SLC14A2: variants seen among roughly 807,000 people sequenced by gnomAD.
The protein encoded by SLC14A2 is solute carrier family 14 member 2.
In SLC14A2, 91 loss-of-function variants were observed where a neutral mutation model predicts 104.6. That is an observed-to-expected ratio of 0.87 (90% CI 0.73 to 1.04). The LOEUF (loss-of-function observed/expected upper bound fraction) is 1.04. SLC14A2 is among the 50% of genes least tolerant of loss of function. The probability of loss-of-function intolerance (pLI) is 0.00; values close to 1 mark genes in which losing one functional copy is unlikely to be tolerated. For synonymous variants in SLC14A2, 476 were observed against 466.4 expected (o/e 1.02, Z -0.27); for missense variants, 1,189 against 1,156.0 (o/e 1.03, Z -0.41).
At chr18:45,279,677 C>A (rs747891646) in intron 1 of SLC14A2, among the ~76,000 whole-genome samples, 3 of 152,094 alleles carry the variant, frequency 2.0e-5, no homozygotes, top group Non-Finnish European at 2.9e-5. Context: ...CAGGTGATGA[C>A]TTTTGAGGCT....
intron 1 of SLC14A2, among the ~76,000 whole-genome samples, chr18:45,275,707 C>T (rs1400214087): frequency 2.0e-5 from 3 of 152,166 alleles, no homozygotes; most frequent in Non-Finnish European, 4.4e-5. Context: ...CTGTTCTCTA[C>T]CACTAGGTGG....
At chr18:45,383,318 C>T (rs1268492919) in intron 1 of SLC14A2, among the ~76,000 whole-genome samples, 1 of 152,200 alleles carries the variant, frequency 6.6e-6, no homozygotes, top group African/African-American at 2.4e-5. Context: ...TATACTAAAA[C>T]AGCTCAGCTC....
At chr18:45,412,164 T>G (rs1240813189) in intron 1 of SLC14A2, among the ~76,000 whole-genome samples, 1 of 152,202 alleles carries the variant, frequency 6.6e-6, no homozygotes, top group African/African-American at 2.4e-5. Flanking sequence ...AACAACTGAA[T>G]GAAGATTGCA....
intron 1 of SLC14A2, among the ~76,000 whole-genome samples, chr18:45,426,452 T>A (rs2086428045): frequency 6.7e-6 from 1 of 148,878 alleles, no homozygotes; most frequent in East Asian, 2.0e-4. Context: ...ATGGTACCTG[T>A]TTGTTTGTTT....
At position 45,682,810 on chromosome 18, in the gene SLC14A2, A is replaced by G. The variant is rs554299337; in HGVS notation, c.*291A>G. The G allele has an allele frequency of 5.2e-5, 18 of 346,066 alleles. No individual in the cohort carries two copies. Among genetic ancestry groups the G allele is most frequent in the Admixed American group, 7.8e-5 (2 of 25,686 alleles). The allele number at this position is 346,066 out of a possible 1,614,324, so 21.4% of individuals were successfully genotyped here. ...TAAGCCTCATCCTTAAAGAGAAGTC[A>G]CCGGCCGGGCACGGTGGCTCACGCC... On this transcript the variant is annotated 3_prime_UTR_variant, in exon 20 of 20. Transcript: ENST00000255226.
At chr18:45,461,189 G>A (rs1419463978) in intron 1 of SLC14A2, among the ~76,000 whole-genome samples, 1 of 152,020 alleles carries the variant, frequency 6.6e-6, no homozygotes, top group Admixed American at 6.5e-5. Context: ...ACTGAAAATT[G>A]CAGGTCACAG....
At chr18:45,275,365 TAAACTC>T (rs779860089) in intron 1 of SLC14A2, among the ~76,000 whole-genome samples, 5 of 152,176 alleles carry the variant, frequency 3.3e-5, no homozygotes, top group Non-Finnish European at 7.4e-5. Context: ...ATATATAAGA[TAAACTC>T]AATAAGTACT....
At chr18:45,214,763 A>G (rs1293755213) in intron 1 of SLC14A2, among the ~76,000 whole-genome samples, 1 of 152,106 alleles carries the variant, frequency 6.6e-6, no homozygotes, top group African/African-American at 2.4e-5. Flanking sequence ...TATGTTTCAG[A>G]TGTGTCTATA....
At chr18:45,543,533 G>A (rs888539812) in intron 2 of SLC14A2, among the ~76,000 whole-genome samples, 1 of 152,110 alleles carries the variant, frequency 6.6e-6, no homozygotes, top group Non-Finnish European at 1.5e-5. Context: ...TTGTCCTTTG[G>A]AAAGTACTGG....
rs1190482746 is a variant in SLC14A2 at position 45,572,631 on chromosome 18, C to CTCA, written c.-34-51997_-34-51995dup. Reference sequence around the variant, plus strand: ...CCTATCTTTAAGTCTCAATCCAGAACTCATCTTTGAGATGCAACCTTCTCA... The same window carrying CTCA: ...CCTATCTTTAAGTCTCAATCCAGAACTCATCATCTTTGAGATGCAACCTTCTCA... On this transcript the variant is annotated intron_variant, in intron 2 of 20. Coordinates refer to the SLC14A2 transcript ENST00000586448. Among the ~76,000 whole-genome samples, 3 of 152,244 alleles carry CTCA rather than the reference C, an allele frequency of 2.0e-5. No individual in the cohort carries two copies. The East Asian group carries it at 5.8e-4, about 29-fold the overall frequency.
intron 16 of SLC14A2, 137 bp downstream of exon 16, chr18:45,669,635 C>G: frequency 1.4e-6 from 1 of 699,426 alleles, no homozygotes; most frequent in Non-Finnish European, 2.4e-6. Context: ...ACATATATAT[C>G]TCATGAGCTG....
At chr18:45,477,673 T>C (rs925398443) in intron 1 of SLC14A2, among the ~76,000 whole-genome samples, 9 of 152,166 alleles carry the variant, frequency 5.9e-5, no homozygotes, top group Non-Finnish European at 1.3e-4. Flanking sequence ...CTTTCAGAGA[T>C]ACCCTGCCCA....
chr18:45,251,486 G>A (rs751182423), intron 1 of SLC14A2, among the ~76,000 whole-genome samples: 4 of 152,130 alleles, frequency 2.6e-5, no homozygotes, highest in Admixed American at 2.6e-4. Flanking sequence ...GTAGTGTATT[G>A]TTTCCTAGGA....
At chr18:45,652,690 T>C (rs1182482467) in intron 10 of SLC14A2, among the ~76,000 whole-genome samples, 1 of 152,228 alleles carries the variant, frequency 6.6e-6, no homozygotes, top group African/African-American at 2.4e-5. Flanking sequence ...AGCCTTCAAA[T>C]AAAGAGTGTA....
chr18:45,524,115 TG>T (rs2043557215), intron 2 of SLC14A2, among the ~76,000 whole-genome samples: 1 of 152,246 alleles, frequency 6.6e-6, no homozygotes, highest in African/African-American at 2.4e-5. Context: ...ATAAAGCACC[TG>T]GATGGAGCCT....
At chr18:45,578,749 G>A (rs1377686177) in intron 2 of SLC14A2, among the ~76,000 whole-genome samples, 2 of 152,220 alleles carry the variant, frequency 1.3e-5, no homozygotes, top group Admixed American at 1.3e-4. Context: ...TTCCAACAAT[G>A]GAGATAATTA....
intron 2 of SLC14A2, among the ~76,000 whole-genome samples, chr18:45,483,619 A>G (rs2087538954): frequency 6.6e-6 from 1 of 152,180 alleles, no homozygotes; most frequent in South Asian, 2.1e-4. Context: ...ACACTGCTGA[A>G]CATAATTGCA....
intron 2 of SLC14A2, among the ~76,000 whole-genome samples, chr18:45,536,095 A>G (rs1313499215): frequency 6.6e-6 from 1 of 152,088 alleles, no homozygotes; most frequent in African/African-American, 2.4e-5. Context: ...TTTCCTTCTT[A>G]TTGTCCAGGA....
chr18:45,596,525 C>A, intron 2 of SLC14A2, among the ~76,000 whole-genome samples: 1 of 152,202 alleles, frequency 6.6e-6, no homozygotes, highest in South Asian at 2.1e-4. Flanking sequence ...AAAGTGAGGT[C>A]TGTAGGGCTA....
Sources: gnomAD v4.1 joint callset for allele counts (sites outside exome capture counted in the v4.1 genomes callset) on GRCh38, gnomAD v4.1.1 for gene constraint, MANE v1.5 for transcripts, NCBI Gene and HGNC (gene_info 2026-07-23, HGNC 2026-07-21) for gene names.